The following ADAMTS13 variants were observed in gnomAD, a reference collection of about 807,000 sequenced individuals.
The protein encoded by ADAMTS13 is ADAM metallopeptidase with thrombospondin type 1 motif 13.
A neutral mutation model predicts 155.1 loss-of-function variants in ADAMTS13; 110 were observed. The ratio of observed to expected loss-of-function variants is 0.71; its 90% CI spans 0.61 to 0.83. ADAMTS13 has a LOEUF of 0.83. Among genes scored for constraint, ADAMTS13 ranks in the 40% least tolerant of loss-of-function variants. ADAMTS13 has a pLI of 0.00. For synonymous variants in ADAMTS13, 758 were observed against 756.4 expected (o/e 1.00, Z -0.03); for missense variants, 1,707 against 1,891.7 (o/e 0.90, Z 1.81).
At chr9:133,423,303 T>C in intron 2 of ADAMTS13, 136 bp downstream of exon 2, 1 of 822,502 alleles carries the variant, frequency 1.2e-6, no homozygotes, top group South Asian at 1.5e-5. Context: ...TCAACCCTGT[T>C]AATTAACTCT....
chr9:133,443,298 C>T (rs1841817514), intron 18 of ADAMTS13, 78 bp from the exon 19 acceptor site: 9 of 1,507,846 alleles, frequency 6.0e-6, no homozygotes, highest in Non-Finnish European at 8.0e-6. Context: ...CGGGGGAGTA[C>T]ATCAGCACCT....
chr9:133,442,921 C>G (rs587616501), intron 18 of ADAMTS13, among the ~76,000 whole-genome samples, 178 bp downstream of exon 18: 1 of 152,356 alleles, frequency 6.6e-6, no homozygotes, highest in South Asian at 2.1e-4. Flanking sequence ...TGCCCCCATT[C>G]TGCAGGTGAG....
upstream of ADAMTS13, chr9:133,422,269 C>T: frequency 1.5e-6 from 1 of 645,898 alleles, no homozygotes; most frequent in Non-Finnish European, 2.8e-6. Context: ...GGAGGAGCTG[C>T]AGGCCGCCCA....
chr9:133,437,611 G>A (rs1474428826), intron 12 of ADAMTS13, 138 bp from the exon 13 acceptor site: 20 of 968,262 alleles, frequency 2.1e-5, no homozygotes, highest in Non-Finnish European at 3.2e-5. Context: ...ATCGTGATTA[G>A]GATTATTGCC....
In ADAMTS13 at chr9:133,433,638, CA is replaced by C; in HGVS notation, c.1245-2del. The C allele has an allele frequency of 6.2e-7, 1 of 1,614,036 alleles. No individual in the cohort carries two copies. The highest frequency in any genetic ancestry group is 8.5e-7 in the Non-Finnish European group (1 of 1,180,002). ...CACCCTCCTGTCTGCTGGGCATTTT[CA>C]GACCTGCCTTTGGGGGGCGTGCATG... On this transcript the variant is annotated splice_acceptor_variant, in intron 10 of 28. Coordinates refer to ENST00000355699, the MANE Select transcript of ADAMTS13 (RefSeq NM_139027.6). LOFTEE classifies it high-confidence loss of function.
chr9:133,426,437 G>A (rs782277733), intron 6 of ADAMTS13, 92 bp downstream of exon 6: 304 of 1,531,682 alleles, frequency 2.0e-4, no homozygotes, highest in Non-Finnish European at 2.6e-4. Context: ...GTGGGTCCTT[G>A]TAGAGTTTCT....
intron 1 of ADAMTS13, chr9:133,414,649 G>A (rs1554781088): frequency 3.1e-6 from 5 of 1,611,580 alleles, no homozygotes; most frequent in Admixed American, 3.3e-5. Context: ...TCAGTGGTGA[G>A]GTGGCCCATA....
intron 6 of ADAMTS13, among the ~76,000 whole-genome samples, chr9:133,426,761 A>T (rs1840306872): frequency 6.6e-6 from 1 of 151,834 alleles, no homozygotes; most frequent in East Asian, 1.9e-4. Context: ...AATTGTGATT[A>T]TGCTGTGCAT....
At chr9:133,423,617 T>C (rs1334794754) in intron 2 of ADAMTS13, among the ~76,000 whole-genome samples, 1 of 152,224 alleles carries the variant, frequency 6.6e-6, no homozygotes, top group Non-Finnish European at 1.5e-5. Flanking sequence ...TGTGACCTTC[T>C]CCGGTGCGAG....
Position 133,443,502 on chromosome 9 carries a change from A to G in ADAMTS13, c.2361A>G (p.Ala787=), listed in dbSNP as rs782365382. The change falls in exon 19 of 29, where the codon GCA becomes GCG. Residue 787 remains alanine, a synonymous_variant. Coordinates refer to ENST00000355699, the MANE Select transcript of ADAMTS13 (RefSeq NM_139027.6). Reference sequence around the variant, plus strand: ...CATTGCCCCCAGCCCGGTGCAGAGCAGGGGCCCAGCAGCCAGCTGTGGCGC... The same window carrying G: ...CATTGCCCCCAGCCCGGTGCAGAGCGGGGGCCCAGCAGCCAGCTGTGGCGC... ...LKTLPPARCR[A]GAQQPAVALE... is the part of the protein sequence containing the mutation. 11 of 1,584,274 alleles carry G rather than the reference A, an allele frequency of 6.9e-6. No individual in the cohort carries two copies. The highest frequency in any genetic ancestry group is 8.5e-7 in the Non-Finnish European group (1 of 1,170,952).
Position 133,436,854 on chromosome 9 carries a change from TC to T in ADAMTS13, c.1335del (p.Phe445LeufsTer52). On this transcript the variant is annotated frameshift_variant, in exon 12 of 29. Coordinates refer to ENST00000355699, the MANE Select transcript of ADAMTS13 (RefSeq NM_139027.6). LOFTEE classifies it high-confidence loss of function. ...GCCTGCGAGAAGACCCAGCTGGAGT[TC>T]ATGTCGCAACAGTGCGCCAGGACCG... ...TQACEKTQLE[F>X]MSQQCARTDG... The T allele has an allele frequency of 6.4e-7, 1 of 1,564,334 alleles. No individual in the cohort carries two copies. Among genetic ancestry groups the T allele is most frequent in the East Asian group, 2.4e-5 (1 of 41,268 alleles).
At chr9:133,438,476 C>T (rs1039095336) in intron 14 of ADAMTS13, 110 bp downstream of exon 14, 1 of 1,505,236 alleles carries the variant, frequency 6.6e-7, no homozygotes, top group Non-Finnish European at 9.0e-7. Context: ...TGCACACTCA[C>T]TCAGCCCTGG....
At position 133,440,213 on chromosome 9, in the gene ADAMTS13, G is replaced by T; in HGVS notation, c.1787-131G>T. On this transcript the variant is annotated intron_variant, in intron 15 of 28. Coordinates refer to ENST00000355699, the MANE Select transcript of ADAMTS13 (RefSeq NM_139027.6). The surrounding 1 kb of genome is among the most constrained non-coding windows in gnomAD (Gnocchi z 4.3). ...GGCCTAGAGCCTCCGCTGTGGGGAA[G>T]CCTCTAGCTCAGATGCCTGTGGCTC... 8.8e-7 allele frequency: 1 copy of T among 1,132,134 alleles called. No individual in the cohort carries two copies. The highest frequency in any genetic ancestry group is 1.3e-5 in the South Asian group (1 of 78,616). 70.1% of individuals were successfully genotyped at this position (1,132,134 alleles called of 1,614,324 possible).
Position 133,437,806 on chromosome 9 carries a change from G to T in ADAMTS13, c.1493G>T (p.Arg498Leu), listed in dbSNP as rs1367098860. 1.2e-6 allele frequency: 2 copies of T among 1,613,964 alleles called. No homozygotes were observed. Among genetic ancestry groups the T allele is most frequent in the South Asian group, 2.2e-5 (2 of 91,088 alleles). ...ATTGGCGAGAGCTTCATCATGAAGCGTGGAGACAGCTTCCTCGATGGGACC... is the reference window on the plus strand; with the variant it reads ...ATTGGCGAGAGCTTCATCATGAAGCTTGGAGACAGCTTCCTCGATGGGACC... ...RAIGESFIMKRGDSFLDGTRC... is the reference protein window; with the variant it reads ...RAIGESFIMKLGDSFLDGTRC... Residue 498 changes from arginine to leucine, a missense_variant, in exon 13 of 29, where the codon CGT (arginine) becomes CTT (leucine). Coordinates refer to ENST00000355699, the MANE Select transcript of ADAMTS13 (RefSeq NM_139027.6).
At position 133,440,504 on chromosome 9, in the gene ADAMTS13, C is replaced by A; in HGVS notation, c.1947C>A (p.Leu649=). ...RLEEIRIWGP[L]QEDADIQVYR... ...AGGAGATCCGCATCTGGGGACCCCT[C>A]CAGGAAGATGCTGACATCCAGGTCA... Residue 649 remains leucine, a synonymous_variant, in exon 16 of 29, where the codon CTC becomes CTA. Coordinates refer to ENST00000355699, the MANE Select transcript of ADAMTS13 (RefSeq NM_139027.6). The surrounding 1 kb of genome is among the most constrained non-coding windows in gnomAD (Gnocchi z 4.3). 4 of 1,607,884 alleles carry A rather than the reference C, an allele frequency of 2.5e-6. No homozygotes were observed. Among genetic ancestry groups the A allele is most frequent in the Non-Finnish European group, 3.4e-6 (4 of 1,176,064 alleles).
chr9:133,456,339 C>A lies in ADAMTS13; in HGVS notation c.3547+124C>A, dbSNP rs2130948076. The stretch of plus-strand genomic sequence containing the variant: ...TTCCCACCTGTAGTTTGCATCCCAT[C>A]TCATGACTGGGGAGTGATGATCTGC... On this transcript the variant is annotated intron_variant, in intron 26 of 28. Transcript: ENST00000355699. This position sits in a 1 kb window ranked among gnomAD's most constrained non-coding sequence, Gnocchi z 4.4. The A allele has an allele frequency of 2.0e-6, 3 of 1,490,568 alleles. No individual in the cohort carries two copies. The highest frequency in any genetic ancestry group is 2.4e-5 in the East Asian group (1 of 42,348). The allele number at this position is 1,490,568 out of a possible 1,614,324, so 92.3% of individuals were successfully genotyped here.
chr9:133,418,903 G>A (rs1839830832), upstream of ADAMTS13, among the ~76,000 whole-genome samples: 1 of 152,164 alleles, frequency 6.6e-6, no homozygotes, highest in Admixed American at 6.5e-5. Context: ...GACAATATGA[G>A]GGGTGGTCTC....
chr9:133,415,811 T>A (rs1275102284), intron 1 of ADAMTS13: 5 of 152,210 alleles, frequency 3.3e-5, no homozygotes, highest in African/African-American at 1.2e-4. Context: ...GTTCAAGAAA[T>A]CCCACAGAAC....
rs781788692 is a variant in ADAMTS13 at position 133,424,438 on chromosome 9, A to G, written c.290A>G (p.Gln97Arg). 18 of 1,613,882 alleles carry G rather than the reference A, an allele frequency of 1.1e-5. No individual in the cohort carries two copies. The East Asian group carries it at 1.3e-4, about 12-fold the overall frequency. Reference protein sequence around the residue: ...AVGPDVFQAHQEDTERYVLTN... With the variant: ...AVGPDVFQAHREDTERYVLTN... Reference sequence around the variant, plus strand: ...GGCCCCGATGTCTTCCAGGCTCACCAGGAGGACACAGAGCGCTATGTGCTC... The same window carrying G: ...GGCCCCGATGTCTTCCAGGCTCACCGGGAGGACACAGAGCGCTATGTGCTC... The change falls in exon 3 of 29, where the codon CAG (glutamine) becomes CGG (arginine). Residue 97 changes from glutamine to arginine, a missense_variant. This residue lies in a region of ADAMTS13 where 733 missense variants were observed against 749.6 expected (regional missense o/e 0.98). Coordinates refer to ENST00000355699, the MANE Select transcript of ADAMTS13 (RefSeq NM_139027.6). This position sits in a 1 kb window ranked among gnomAD's most constrained non-coding sequence, Gnocchi z 4.3.
Sources: allele counts gnomAD v4.1 joint callset (sites outside exome capture counted in the v4.1 genomes callset), GRCh38; gene constraint gnomAD v4.1.1; regional missense constraint gnomAD v4.1.1; non-coding constraint Gnocchi (gnomAD v3.1); transcripts MANE v1.5; gene names NCBI Gene and HGNC (gene_info 2026-07-23, HGNC 2026-07-21).